Variants in LZTR1 observed in about 807,000 individuals in gnomAD.
LZTR1 encodes the protein leucine zipper like post translational regulator 1, also known as leucine-zipper-like transcriptional regulator 1.
A neutral mutation model predicts 105.7 loss-of-function variants in LZTR1; 260 were observed. That is an observed-to-expected ratio of 2.46 (90% CI 2.22 to 2.72). The LOEUF (loss-of-function observed/expected upper bound fraction) is 2.72, where lower values mean the gene tolerates loss of function less well. LZTR1 is among the 30% of genes most tolerant of loss of function. The pLI is 0.00. For synonymous variants in LZTR1, 490 were observed against 476.4 expected (o/e 1.03, Z -0.37); for missense variants, 1,214 against 1,166.9 (o/e 1.04, Z -0.59).
At chr22:20,995,500 C>A in intron 16 of LZTR1, 2 of 683,650 alleles carry the variant, frequency 2.9e-6, no homozygotes, top group South Asian at 3.0e-5. Flanking sequence ...CGAGGGGGTA[C>A]AGCAAGCTGG....
At position 20,996,356 on chromosome 22, in the gene LZTR1, C is replaced by T. The variant is rs79678090; in HGVS notation, c.2219+244C>T. 4,211 of 598,462 alleles carry T rather than the reference C, an allele frequency of 7.0e-3. 131 individuals carry two copies. In the African/African-American group the frequency reaches 0.071, roughly 10 times the overall value. 37.1% of individuals were successfully genotyped at this position (598,462 alleles called of 1,614,324 possible). A position where few individuals can be genotyped will look rare whatever the true frequency, so the allele number is the denominator to read the frequency against. On this transcript the variant is annotated intron_variant, in intron 18 of 20. Transcript: ENST00000646124. Reference sequence around the variant, plus strand: ...CTGACCCTCACAACTGCCCAGAGGACGGGGTGGGTCATTGCTTTGTGTGAC... The same window carrying T: ...CTGACCCTCACAACTGCCCAGAGGATGGGGTGGGTCATTGCTTTGTGTGAC...
In LZTR1 at chr22:20,995,760, C is replaced by G. The variant is rs760312637; in HGVS notation, c.1957C>G (p.Gln653Glu). The change falls in exon 17 of 21, where the codon CAG (glutamine) becomes GAG (glutamate). Residue 653 changes from glutamine to glutamate, a missense_variant. By Grantham distance (29) the Gln-to-Glu change is conservative. Transcript: ENST00000646124. ...CCTACCCCCAGGCACATCTCTGATC[C>G]AGGACATGAAGGCATACCTGGAGGG... is the stretch of plus-strand genomic sequence containing the variant. ...QPVDIGTSLI[Q>E]DMKAYLEGAG... 4 of 1,613,618 alleles carry G rather than the reference C, an allele frequency of 2.5e-6. No homozygotes were observed. The East Asian group carries it at 6.7e-5, about 27-fold the overall frequency.
chr22:20,990,401 G>GA lies in LZTR1; in HGVS notation c.668dup (p.Ile224AspfsTer36), dbSNP rs1569155531. 6.2e-7 allele frequency: 1 copy of GA among 1,614,120 alleles called. No individual in the cohort carries two copies. The highest frequency in any genetic ancestry group is 8.5e-7 in the Non-Finnish European group (1 of 1,180,022). On this transcript the variant is annotated frameshift_variant, in exon 8 of 21. Coordinates refer to ENST00000646124, the MANE Select transcript of LZTR1 (RefSeq NM_006767.4). LOFTEE classifies it high-confidence loss of function. The stretch of plus-strand genomic sequence containing the variant: ...CCCCCTGCAGGTGGCCCAGAGTGGC[G>GA]AGATCCCCCCATCTTGCTGCAACTT...
Position 20,996,768 on chromosome 22 carries a change from G to A in LZTR1, c.2292G>A (p.Leu764=). 6.2e-7 allele frequency: 1 copy of A among 1,613,660 alleles called. No homozygotes were observed. Among genetic ancestry groups the A allele is most frequent in the Non-Finnish European group, 8.5e-7 (1 of 1,180,018 alleles). ...NRLQAYCKQN[L]EMNVTVQNVL... ...TGCAGGCGTACTGCAAGCAGAACCT[G>A]GAGATGAACGTGACGGTGCAGAACG... is the stretch of plus-strand genomic sequence containing the variant. Residue 764 remains leucine (L), a synonymous_variant, in exon 19 of 21, where the codon CTG becomes CTA. Transcript: ENST00000646124.
At chr22:20,987,426 G>A (rs867663999) in intron 3 of LZTR1, 78 bp from the exon 4 acceptor site, 4 of 778,444 alleles carry the variant, frequency 5.1e-6, no homozygotes, top group Non-Finnish European at 9.1e-6. Context: ...GCAGCACAGG[G>A]ATGCAGGGCC....
rs1924613952 is a variant in LZTR1, at chr22:20,991,733, TG to T, written c.902del (p.Gly301ValfsTer50). The T allele has an allele frequency of 3.8e-6, 6 of 1,578,530 alleles. No homozygotes were observed. The highest frequency in any genetic ancestry group is 5.2e-6 in the Non-Finnish European group (6 of 1,162,378). On this transcript the variant is annotated frameshift_variant, in exon 9 of 21. Coordinates refer to ENST00000646124, the MANE Select transcript of LZTR1 (RefSeq NM_006767.4). LOFTEE classifies it high-confidence loss of function. ...VAFDRHLYVF[G>X]GAADNTLPNE... The stretch of plus-strand genomic sequence containing the variant: ...CCTTTGACCGCCACCTCTATGTGTT[TG>T]GGGGTGCGGCCGACAACACGCTGCC...
rs566103124 is a variant in LZTR1, at chr22:20,988,133, A to G, written c.509+15A>G. On this transcript the variant is annotated intron_variant, in intron 5 of 20. Transcript: ENST00000646124. ...ATTGAAGGACGGTGAGAAACTTTGC[A>G]GAAACATTTGGGACAGGCTGGGTCC... 3.2e-6 allele frequency: 5 copies of G among 1,557,162 alleles called. No homozygotes were observed. In the East Asian group the frequency reaches 1.1e-4, roughly 35 times the overall value.
intron 14 of LZTR1, 37 bp from the exon 15 acceptor site, chr22:20,994,521 C>A: frequency 6.3e-7 from 1 of 1,597,540 alleles, no homozygotes; most frequent in South Asian, 1.1e-5. Flanking sequence ...GCCCTCCCCT[C>A]TCCGGCTCCC....
Position 20,990,486 on chromosome 22 carries a change from TAACC to T in LZTR1, c.756_759del (p.Asn253ThrfsTer97). 6.2e-7 allele frequency: 1 copy of T among 1,613,756 alleles called. No homozygotes were observed. ...TTCTCTGGGCAAAGCGGAGCCAAAA[TAACC>T]AACAACCTCTTCCAGTTTGAATTCA... On this transcript the variant is annotated frameshift_variant, in exon 8 of 21. Coordinates refer to ENST00000646124, the MANE Select transcript of LZTR1 (RefSeq NM_006767.4). LOFTEE classifies it high-confidence loss of function.
chr22:20,987,403 A>AT, intron 3 of LZTR1, 101 bp from the exon 4 acceptor site: 1 of 667,502 alleles, frequency 1.5e-6, no homozygotes, highest in Non-Finnish European at 2.7e-6. Flanking sequence ...AAAAAAAAAA[A>AT]GAAAAAAGAA....
At chr22:20,991,893 A>G in intron 9 of LZTR1, 64 bp downstream of exon 9, 1 of 1,437,618 alleles carries the variant, frequency 7.0e-7, no homozygotes, top group African/African-American at 1.4e-5. Flanking sequence ...CCCTGCTCCC[A>G]CCCAGCTCCT....
At chr22:20,994,770 C>T (rs1924765100) in intron 15 of LZTR1, 43 bp downstream of exon 15, 2 of 1,607,676 alleles carry the variant, frequency 1.2e-6, no homozygotes, top group Non-Finnish European at 1.7e-6. Context: ...GTGGGGTGTG[C>T]TCAGGCTTAG....
rs540861183 is a variant in LZTR1 at position 20,994,663 on chromosome 22, T to A, written c.1721T>A (p.Val574Glu). Reference protein sequence around the residue: ...QLCRQYIEASVDLQNVLVVCE... With the variant: ...QLCRQYIEASEDLQNVLVVCE... ...TGCCGCCAGTACATCGAGGCCTCCG[T>A]GGACCTGCAGAACGTGCTGGTTGTG... is the stretch of plus-strand genomic sequence containing the variant. Residue 574 changes from valine (V) to glutamate (E), a missense_variant, in exon 15 of 21, where the codon GTG (valine) becomes GAG (glutamate). Transcript: ENST00000646124. 1 of 1,613,110 alleles carries A rather than the reference T, an allele frequency of 6.2e-7. No individual in the cohort carries two copies. Among genetic ancestry groups the A allele is most frequent in the South Asian group, 1.1e-5 (1 of 91,078 alleles).
intron 11 of LZTR1, 104 bp from the exon 12 acceptor site, chr22:20,993,558 A>T: frequency 1.1e-6 from 1 of 906,692 alleles, no homozygotes; most frequent in Non-Finnish European, 1.7e-6. Flanking sequence ...CTGGGCCCTG[A>T]GGGTCAGCAT....
intron 4 of LZTR1, 74 bp from the exon 5 acceptor site, chr22:20,987,936 T>C: frequency 1.1e-6 from 1 of 903,804 alleles, no homozygotes; most frequent in African/African-American, 1.7e-5. Flanking sequence ...GGCCAGATTC[T>C]GCTCCACCTT....
At position 20,982,520 on chromosome 22, in the gene LZTR1, CAG is replaced by C. The variant is rs1194536394; in HGVS notation, c.150_151del (p.Val51AlafsTer26). On this transcript the variant is annotated frameshift_variant, in exon 1 of 21. Transcript: ENST00000646124. LOFTEE classifies it high-confidence loss of function. Reference sequence around the variant, plus strand: ...ACGCTCAACTTCGGGCCCTTCGAAACAGTGCATCGCTGGCGGCGCCTCCCGCC... The same window carrying C: ...ACGCTCAACTTCGGGCCCTTCGAAACTGCATCGCTGGCGGCGCCTCCCGCC... 2.5e-6 allele frequency: 4 copies of C among 1,613,236 alleles called. No individual in the cohort carries two copies. The highest frequency in any genetic ancestry group is 1.1e-5 in the South Asian group (1 of 90,876).
chr22:20,988,754 G>A (rs748066763), intron 5 of LZTR1, 35 bp from the exon 6 acceptor site: 27 of 1,540,780 alleles, frequency 1.8e-5, no homozygotes, highest in Admixed American at 1.2e-4. Context: ...TGTGCTGGGC[G>A]GCCTCACTCC....
intron 10 of LZTR1, 109 bp downstream of exon 10, chr22:20,992,478 G>A (rs1162598536): frequency 2.4e-6 from 3 of 1,268,352 alleles, no homozygotes; most frequent in Non-Finnish European, 3.2e-6. Context: ...CTTGCTTGGG[G>A]TCACACCACA....
At position 20,991,614 on chromosome 22, in the gene LZTR1, T is replaced by C; in HGVS notation, c.792-14T>C. On this transcript the variant is annotated splice_polypyrimidine_tract_variant and intron_variant, in intron 8 of 20. Coordinates refer to ENST00000646124, the MANE Select transcript of LZTR1 (RefSeq NM_006767.4). ...CCCCTGTCCCAGCATTGATTCACTG[T>C]TGTGTACCCCCAGGTGGACACGCAT... The C allele has an allele frequency of 6.4e-7, 1 of 1,561,330 alleles. No homozygotes were observed. The highest frequency in any genetic ancestry group is 8.6e-7 in the Non-Finnish European group (1 of 1,157,856).
Sources: allele counts gnomAD v4.1 joint callset, GRCh38; gene constraint gnomAD v4.1.1; transcripts MANE v1.5; gene names NCBI Gene and HGNC (gene_info 2026-07-23, HGNC 2026-07-21).